HERC2: variants seen among roughly 807,000 people sequenced by gnomAD.
HERC2 encodes E3 ubiquitin-protein ligase HERC2.
Under a neutral mutation model 537.7 loss-of-function variants are expected in HERC2, and 102 were observed. The ratio of observed to expected loss-of-function variants is 0.19; its 90% CI spans 0.16 to 0.22. HERC2 has a LOEUF of 0.22. Among genes scored for constraint, HERC2 ranks in the 10% least tolerant of loss-of-function variants. The pLI, the probability that HERC2 is intolerant of heterozygous loss-of-function variation, is 1.00. For missense variants in HERC2, 4,236 were observed against 6,198.2 expected, an observed-to-expected ratio of 0.68 and a Z score of 10.63; for synonymous variants, 2,224 against 2,466.2, an observed-to-expected ratio of 0.90 and a Z score of 2.91.
rs549865387 is a variant in HERC2 at position 28,289,209 on chromosome 15, G to A, written c.322+3679C>T. On this transcript the variant is annotated intron_variant, in intron 4 of 92. Transcript: ENST00000261609. Reference sequence around the variant, plus strand: ...AGACCTAATTATATGATACCTGAAAGAAATGCACTTTACACATACACAAAG... The same window carrying A: ...AGACCTAATTATATGATACCTGAAAAAAATGCACTTTACACATACACAAAG... 3.3e-5 allele frequency among the ~76,000 whole-genome samples: 5 copies of A among 152,176 alleles called. No individual in the cohort carries two copies. In the East Asian group the frequency reaches 9.6e-4, roughly 29 times the overall value.
rs1374369207 is a variant in HERC2, at chr15:28,186,771, A to T, written c.8650-19T>A. On this transcript the variant is annotated intron_variant, in intron 55 of 92. Transcript: ENST00000261609. ...TGTGATACTAGACACAAAAACCATG[A>T]TCTATAGACTCTGTAGAATCAAGCA... is the stretch of plus-strand genomic sequence containing the variant. 4.4e-6 allele frequency: 7 copies of T among 1,586,668 alleles called. No individual in the cohort carries two copies. Among genetic ancestry groups the T allele is most frequent in the East Asian group, 2.2e-5 (1 of 44,702 alleles).
Position 28,144,135 on chromosome 15 carries a change from T to A in HERC2, c.11241A>T (p.Arg3747Ser). 6.2e-7 allele frequency: 1 copy of A among 1,614,194 alleles called. No homozygotes were observed. The highest frequency in any genetic ancestry group is 8.5e-7 in the Non-Finnish European group (1 of 1,180,052). ...LDFRLNLASN[R>S]SIVPRLAASL... ...AGGCCGCAAGGCGAGGGACGATGCTTCTGTTAGAGGCAAGGTTGAGTCGGA... is the reference window on the plus strand; with the variant it reads ...AGGCCGCAAGGCGAGGGACGATGCTACTGTTAGAGGCAAGGTTGAGTCGGA... Residue 3747 changes from arginine (R) to serine (S), a missense_variant, in exon 73 of 93, where the codon AGA becomes AGT. Coordinates refer to ENST00000261609, the MANE Select transcript of HERC2 (RefSeq NM_004667.6).
intron 70 of HERC2, among the ~76,000 whole-genome samples, chr15:28,149,015 C>A (rs145664364): frequency 6.6e-6 from 1 of 151,370 alleles, no homozygotes; most frequent in South Asian, 2.1e-4. Context: ...AGAACATCAC[C>A]GAGAACGGCC....
chr15:28,313,297 C>T (rs2076995402), intron 2 of HERC2, among the ~76,000 whole-genome samples: 1 of 151,928 alleles, frequency 6.6e-6, no homozygotes, highest in South Asian at 2.1e-4. Flanking sequence ...CCTGCCTCAG[C>T]CTCCCGAGTA....
At chr15:28,314,277 T>A (rs1336565955) in intron 2 of HERC2, among the ~76,000 whole-genome samples, 2 of 151,460 alleles carry the variant, frequency 1.3e-5, no homozygotes, top group African/African-American at 4.8e-5. Context: ...AACAGAAATA[T>A]AAAGACTTCT....
chr15:28,114,982 A>G (rs1361043612), intron 89 of HERC2, among the ~76,000 whole-genome samples, 180 bp from the exon 90 acceptor site: 2 of 152,032 alleles, frequency 1.3e-5, no homozygotes, highest in East Asian at 1.9e-4. Flanking sequence ...TACTTCACCC[A>G]AGGAGCTGAA....
chr15:28,142,444 C>T, intron 75 of HERC2, 51 bp from the exon 76 acceptor site: 18 of 1,576,022 alleles, frequency 1.1e-5, no homozygotes, highest in Non-Finnish European at 1.5e-5. Flanking sequence ...ATGCAGTGAA[C>T]AGGCCAAGGT....
At chr15:28,210,493 G>C (rs888810813) in intron 44 of HERC2, among the ~76,000 whole-genome samples, 14 of 152,182 alleles carry the variant, frequency 9.2e-5, no homozygotes, top group African/African-American at 3.4e-4. Context: ...GGAATGACTT[G>C]CTGGGCCAAA....
chr15:28,164,934 T>G (rs911629035), intron 68 of HERC2, among the ~76,000 whole-genome samples: 3 of 152,220 alleles, frequency 2.0e-5, no homozygotes, highest in Non-Finnish European at 4.4e-5. Flanking sequence ...TGGTTATAAA[T>G]AATTTCTGTA....
chr15:28,256,480 T>A (rs542441193), intron 17 of HERC2, among the ~76,000 whole-genome samples, 163 bp from the exon 18 acceptor site: 36 of 152,316 alleles, frequency 2.4e-4, no homozygotes, highest in Middle Eastern at 3.4e-3. Flanking sequence ...TTACCCACAA[T>A]AGTTGAGGTA....
chr15:28,290,149 A>T (rs1171042399), intron 4 of HERC2, among the ~76,000 whole-genome samples: 2 of 152,344 alleles, frequency 1.3e-5, no homozygotes, highest in Non-Finnish European at 2.9e-5. Flanking sequence ...TCTGAGATTC[A>T]TGTCAAACTA....
In HERC2 at chr15:28,202,343, G is replaced by A; in HGVS notation, c.7480+4C>T. Reference sequence around the variant, plus strand: ...CACAAGCAGAGGCCAGGAAAACGAAGTACCAGGCAAGCTGGATGCATTCCC... The same window carrying A: ...CACAAGCAGAGGCCAGGAAAACGAAATACCAGGCAAGCTGGATGCATTCCC... On this transcript the variant is annotated splice_donor_region_variant and intron_variant, in intron 46 of 92. Transcript: ENST00000261609. 1 of 1,613,770 alleles carries A rather than the reference G, an allele frequency of 6.2e-7. No individual in the cohort carries two copies. The highest frequency in any genetic ancestry group is 8.5e-7 in the Non-Finnish European group (1 of 1,179,730).
chr15:28,293,268 TGGATCAC>T (rs1419202438), intron 3 of HERC2, among the ~76,000 whole-genome samples: 1 of 151,538 alleles, frequency 6.6e-6, no homozygotes, highest in Non-Finnish European at 1.5e-5. Context: ...CCATGGCGGG[TGGATCAC>T]AAGGTCAGGA....
At chr15:28,296,310 T>C (rs1567133129) in intron 3 of HERC2, among the ~76,000 whole-genome samples, 1 of 151,926 alleles carries the variant, frequency 6.6e-6, no homozygotes, top group Non-Finnish European at 1.5e-5. Context: ...TCCATCTTTA[T>C]TAAAAATACA....
rs751003786 is a variant in HERC2, at chr15:28,280,204, A to C, written c.406T>G (p.Ser136Ala). Residue 136 changes from serine (S) to alanine (A), a missense_variant, in exon 5 of 93, where the codon TCA (serine) becomes GCA (alanine). Ser to Ala is a moderately conservative substitution (Grantham distance 99). Around this residue, in one of 27 missense-constraint regions of HERC2, gnomAD observed 491 missense variants for 559.3 expected, o/e 0.88. Transcript: ENST00000261609. ...AGCCTCTGCTTGAGTCGCAGGGCTG[A>C]GAGGGTGGTGGTGGCTGACTGGACG... The part of the protein sequence containing the change: ...LAVQSATTTL[S>A]ALRLKQRLVI... 45 of 1,614,052 alleles carry C rather than the reference A, an allele frequency of 2.8e-5. No individual in the cohort carries two copies. Among genetic ancestry groups the C allele is most frequent in the Admixed American group, 1.2e-4 (7 of 59,998 alleles).
chr15:28,240,485 A>C (rs1439403583), intron 23 of HERC2, among the ~76,000 whole-genome samples: 1 of 152,186 alleles, frequency 6.6e-6, no homozygotes, highest in East Asian at 1.9e-4. Context: ...AATACAGAGA[A>C]GTATGAGAGG....
intron 80 of HERC2, among the ~76,000 whole-genome samples, 191 bp from the exon 81 acceptor site, chr15:28,132,452 C>T (rs1020796745): frequency 1.3e-5 from 2 of 152,206 alleles, no homozygotes; most frequent in African/African-American, 4.8e-5. Context: ...GCATCTAAAC[C>T]GCAGGAGGAG....
rs1301759703 is a variant in HERC2, at chr15:28,282,769, T to TA, written c.323-2483dup. 5.3e-5 allele frequency among the ~76,000 whole-genome samples: 8 copies of TA among 152,030 alleles called. No homozygotes were observed. In the East Asian group the frequency reaches 9.7e-4, roughly 18 times the overall value. On this transcript the variant is annotated intron_variant, in intron 4 of 92. Coordinates refer to ENST00000261609, the MANE Select transcript of HERC2 (RefSeq NM_004667.6). ...CAACATGGTGAAACCTCATCTCTAT[T>TA]AAAAATACAAAACTGAGCTGGGCAT...
At chr15:28,264,049 CA>C (rs1032710695) in intron 14 of HERC2, among the ~76,000 whole-genome samples, 3 of 125,458 alleles carry the variant, frequency 2.4e-5, no homozygotes, top group South Asian at 2.6e-4. Flanking sequence ...CAAACAAAAA[CA>C]AAAAAAAGTG....
Sources: allele counts gnomAD v4.1 joint callset (sites outside exome capture counted in the v4.1 genomes callset), GRCh38; gene constraint gnomAD v4.1.1; regional missense constraint gnomAD v4.1.1; transcripts MANE v1.5; gene names NCBI Gene and HGNC (gene_info 2026-07-23, HGNC 2026-07-21).